The following NRG3 variants were observed in gnomAD, a reference collection of about 807,000 sequenced individuals.
NRG3 encodes the protein pro-neuregulin-3, membrane-bound isoform.
NRG3 carries 31 observed loss-of-function variants against 66.9 expected under a neutral mutation model. The observed-to-expected ratio is 0.46, with a 90% CI of 0.35 to 0.63. NRG3 has a LOEUF of 0.63. NRG3 is among the 20% of genes least tolerant of loss of function. The pLI, the probability that NRG3 is intolerant of heterozygous loss-of-function variation, is 0.00. For synonymous variants in NRG3, 393 were observed against 359.4 expected (o/e 1.09, Z -1.06); for missense variants, 910 against 878.9 (o/e 1.04, Z -0.45).
chr10:82,502,036 C>T (rs1416956487), intron 2 of NRG3, among the ~76,000 whole-genome samples: 1 of 152,082 alleles, frequency 6.6e-6, no homozygotes. Context: ...CCGAAGAGAT[C>T]CAGTGTCTTA....
chr10:82,985,726 AT>A lies in NRG3; in HGVS notation c.*122del, dbSNP rs1853385860. The A allele has an allele frequency of 9.7e-7, 1 of 1,029,520 alleles. No homozygotes were observed. The highest frequency in any genetic ancestry group is 1.4e-6 in the Non-Finnish European group (1 of 708,508). The allele number at this position is 1,029,520 out of a possible 1,614,324, so 63.8% of individuals were successfully genotyped here. ...CTACTTAGAAGAAACCAAATAGTCT[AT>A]CGCCCTCATATCATAGTGTTTTTTA... On this transcript the variant is annotated 3_prime_UTR_variant, in exon 9 of 9. Coordinates refer to ENST00000372141, the MANE Select transcript of NRG3 (RefSeq NM_001010848.4).
At chr10:82,304,699 A>T (rs1354503037) in intron 1 of NRG3, among the ~76,000 whole-genome samples, 2 of 152,156 alleles carry the variant, frequency 1.3e-5, no homozygotes, top group Admixed American at 6.5e-5. Flanking sequence ...TGGGGCTAAT[A>T]TGAATTCCCA....
At chr10:82,667,251 T>C (rs900841416) in intron 2 of NRG3, among the ~76,000 whole-genome samples, 1 of 152,046 alleles carries the variant, frequency 6.6e-6, no homozygotes, top group African/African-American at 2.4e-5. Context: ...ACACAGAGAT[T>C]TTTGTCGGTT....
At chr10:82,785,078 A>G (rs917980282) in intron 3 of NRG3, among the ~76,000 whole-genome samples, 13 of 152,062 alleles carry the variant, frequency 8.5e-5, no homozygotes, top group Non-Finnish European at 1.6e-4. Flanking sequence ...ATTGGAAATC[A>G]TCATTCTCGG....
At chr10:81,909,720 G>A (rs1427476778) in intron 1 of NRG3, among the ~76,000 whole-genome samples, 1 of 152,124 alleles carries the variant, frequency 6.6e-6, no homozygotes, top group Non-Finnish European at 1.5e-5. Context: ...AGATGTTTCC[G>A]TCTTTAGGAA....
chr10:82,142,484 C>A (rs948934778), intron 1 of NRG3, among the ~76,000 whole-genome samples: 3 of 152,100 alleles, frequency 2.0e-5, no homozygotes, highest in Admixed American at 2.0e-4. Context: ...AGTGGGAACA[C>A]GTGCTTCTGG....
chr10:82,894,278 TA>T (rs1362410332), intron 4 of NRG3, among the ~76,000 whole-genome samples: 13 of 152,108 alleles, frequency 8.5e-5, no homozygotes, highest in African/African-American at 3.1e-4. Context: ...ATCACCACAT[TA>T]AATAATAAAG....
At chr10:82,603,131 A>T (rs682297) in intron 2 of NRG3, among the ~76,000 whole-genome samples, 12,812 of 152,110 alleles carry the variant, frequency 0.084, 623 homozygotes, top group East Asian at 0.15. Flanking sequence ...TGATTCAGTA[A>T]ATTCTGTACT....
chr10:82,881,472 G>A, intron 4 of NRG3, among the ~76,000 whole-genome samples: 1 of 152,020 alleles, frequency 6.6e-6, no homozygotes, highest in East Asian at 1.9e-4. Context: ...GAGAATATGG[G>A]GCCTTTTGTT....
intron 1 of NRG3, among the ~76,000 whole-genome samples, chr10:82,185,860 T>C (rs2073770961): frequency 6.6e-6 from 1 of 152,186 alleles, no homozygotes; most frequent in Admixed American, 6.6e-5. Flanking sequence ...CGAGTTAGGT[T>C]TATCATTCAA....
At chr10:82,924,367 C>A (rs1014490569) in intron 4 of NRG3, among the ~76,000 whole-genome samples, 1 of 151,986 alleles carries the variant, frequency 6.6e-6, no homozygotes, top group Non-Finnish European at 1.5e-5. Context: ...CTCTACAAAC[C>A]CCATTATAAT....
At position 81,875,587 on chromosome 10, in the gene NRG3, C is replaced by G; in HGVS notation, c.247C>G (p.Leu83Val). 1 of 1,613,634 alleles carries G rather than the reference C, an allele frequency of 6.2e-7. No homozygotes were observed. Among genetic ancestry groups the G allele is most frequent in the Non-Finnish European group, 8.5e-7 (1 of 1,179,942 alleles). The change falls in exon 1 of 9, where the codon CTC becomes GTC. Residue 83 changes from leucine (L) to valine (V), a missense_variant. Physicochemically the swap from Leu to Val is conservative, Grantham distance 32. Transcript: ENST00000372141. The surrounding 1 kb of genome is among the most constrained non-coding windows in gnomAD (Gnocchi z 5.3). Reference sequence around the variant, plus strand: ...CGGCTTCATCGGCCTGGGGCTCAGCCTCATGCTTCTCAAATGGATCGTGGT... The same window carrying G: ...CGGCTTCATCGGCCTGGGGCTCAGCGTCATGCTTCTCAAATGGATCGTGGT... ...FIGFIGLGLS[L>V]MLLKWIVVGS...
chr10:82,463,747 A>AGTT (rs1358354431), intron 2 of NRG3, among the ~76,000 whole-genome samples: 2 of 152,224 alleles, frequency 1.3e-5, no homozygotes, highest in Non-Finnish European at 1.5e-5. Flanking sequence ...GCCTGAATCC[A>AGTT]GAACCTATGC....
At chr10:82,695,281 G>A (rs2134237119) in intron 2 of NRG3, among the ~76,000 whole-genome samples, 1 of 151,974 alleles carries the variant, frequency 6.6e-6, no homozygotes, top group African/African-American at 2.4e-5. Flanking sequence ...CTTTACTGTT[G>A]AGTAATTTGA....
At chr10:82,063,479 C>A (rs897814949) in intron 1 of NRG3, among the ~76,000 whole-genome samples, 7 of 148,382 alleles carry the variant, frequency 4.7e-5, no homozygotes, top group African/African-American at 1.2e-4. Context: ...TGTATAGAGA[C>A]AATCAATATA....
rs183629289 is a variant in NRG3 at position 81,919,802 on chromosome 10, G to C, written c.823+43639G>C. ...TCCAGAGGTATCACCTCAGAAGTTG[G>C]TCTGAGGGGCAATTACACAAGCAGA... On this transcript the variant is annotated intron_variant, in intron 1 of 8. Coordinates refer to ENST00000372141, the MANE Select transcript of NRG3 (RefSeq NM_001010848.4). Among the ~76,000 whole-genome samples the C allele has an allele frequency of 1.2e-3, 177 of 152,176 alleles. 1 individual carries two copies. The highest frequency in any genetic ancestry group is 0.01 in the Middle Eastern group (3 of 294).
At chr10:81,976,128 TC>T (rs1312672341) in intron 1 of NRG3, among the ~76,000 whole-genome samples, 1 of 152,192 alleles carries the variant, frequency 6.6e-6, no homozygotes, top group Admixed American at 6.5e-5. Flanking sequence ...TTTATGTTAA[TC>T]CCTTACATTA....
At chr10:82,044,429 T>A (rs1407843509) in intron 1 of NRG3, among the ~76,000 whole-genome samples, 1 of 151,796 alleles carries the variant, frequency 6.6e-6, no homozygotes, top group Non-Finnish European at 1.5e-5. Flanking sequence ...CATGCACATC[T>A]AAGGGATGTG....
intron 4 of NRG3, among the ~76,000 whole-genome samples, chr10:82,873,630 G>T (rs1841540908): frequency 6.6e-6 from 1 of 152,108 alleles, no homozygotes; most frequent in South Asian, 2.1e-4. Flanking sequence ...TGAGCTATTT[G>T]TTAAGTGGTT....
Sources: allele counts gnomAD v4.1 joint callset (sites outside exome capture counted in the v4.1 genomes callset), GRCh38; gene constraint gnomAD v4.1.1; non-coding constraint Gnocchi (gnomAD v3.1); transcripts MANE v1.5; gene names NCBI Gene and HGNC (gene_info 2026-07-23, HGNC 2026-07-21).